Variants in NDUFAF2 observed in about 807,000 individuals in gnomAD.
The protein encoded by NDUFAF2 is NADH dehydrogenase [ubiquinone] 1 alpha subcomplex assembly factor 2.
NDUFAF2 carries 13 observed loss-of-function variants against 22.8 expected under a neutral mutation model. The observed-to-expected ratio is 0.57, with a 90% CI of 0.37 to 0.91. The LOEUF (loss-of-function observed/expected upper bound fraction) is 0.91, where lower values mean the gene tolerates loss of function less well. Among genes scored for constraint, NDUFAF2 ranks in the 40% least tolerant of loss-of-function variants. The pLI, the probability that NDUFAF2 is intolerant of heterozygous loss-of-function variation, is 0.01. For missense variants in NDUFAF2, 162 were observed against 195.2 expected (o/e 0.83, Z 1.01); for synonymous variants, 53 against 64.2 (o/e 0.83, Z 0.84).
chr5:61,031,479 A>G (rs111444653), intron 1 of NDUFAF2, among the ~76,000 whole-genome samples: 7,150 of 151,664 alleles, frequency 0.047, 568 homozygotes, highest in African/African-American at 0.16. Flanking sequence ...TGCAAAGGAC[A>G]TGAACTCATG....
intron 2 of NDUFAF2, among the ~76,000 whole-genome samples, chr5:61,092,204 T>A (rs1242201766): frequency 6.6e-6 from 1 of 152,320 alleles, no homozygotes; most frequent in East Asian, 1.9e-4. Context: ...ATTCAGGCTC[T>A]TTTTTGGTTC....
chr5:61,062,042 A>C (rs248684), intron 1 of NDUFAF2, among the ~76,000 whole-genome samples: 139,675 of 152,222 alleles, frequency 0.92, 64,170 homozygotes, highest in East Asian at 1. Flanking sequence ...CATCCTTGGT[A>C]CCATCTACAT....
At chr5:61,129,347 G>A (rs1442609790) in intron 3 of NDUFAF2, among the ~76,000 whole-genome samples, 3 of 152,146 alleles carry the variant, frequency 2.0e-5, no homozygotes, top group Non-Finnish European at 2.9e-5. Flanking sequence ...GGACATGTAT[G>A]TTTATTGCAG....
At chr5:60,990,491 A>G (rs1248196749) in intron 1 of NDUFAF2, among the ~76,000 whole-genome samples, 3 of 152,212 alleles carry the variant, frequency 2.0e-5, no homozygotes, top group Non-Finnish European at 4.4e-5. Context: ...GAAGTAGAAT[A>G]TATAAATGTT....
chr5:61,018,268 A>G (rs1751537691), intron 1 of NDUFAF2, among the ~76,000 whole-genome samples: 1 of 152,200 alleles, frequency 6.6e-6, no homozygotes, highest in African/African-American at 2.4e-5. Context: ...ACTTAGCCAT[A>G]AAAGAGTATT....
At chr5:60,973,774 A>G (rs1160067069) in intron 1 of NDUFAF2, among the ~76,000 whole-genome samples, 6 of 152,122 alleles carry the variant, frequency 3.9e-5, no homozygotes, top group Non-Finnish European at 8.8e-5. Context: ...ATCCTTTTTA[A>G]TACTTTTTAC....
chr5:60,965,443 C>T (rs890678141), intron 1 of NDUFAF2, among the ~76,000 whole-genome samples: 3 of 152,020 alleles, frequency 2.0e-5, no homozygotes, highest in African/African-American at 7.2e-5. Context: ...AATATAGTCA[C>T]CATGCTGTAC....
chr5:60,987,120 A>G (rs1216244495), intron 1 of NDUFAF2, among the ~76,000 whole-genome samples: 2 of 152,222 alleles, frequency 1.3e-5, no homozygotes, highest in Non-Finnish European at 2.9e-5. Context: ...ACAGAAATAC[A>G]GATAACCATC....
At chr5:61,025,949 T>C (rs1438553823) in intron 1 of NDUFAF2, among the ~76,000 whole-genome samples, 2 of 152,074 alleles carry the variant, frequency 1.3e-5, no homozygotes, top group African/African-American at 4.8e-5. Context: ...AGATGTTTTA[T>C]ATCATGGCTT....
At chr5:60,980,748 T>C (rs1006953897) in intron 1 of NDUFAF2, among the ~76,000 whole-genome samples, 5 of 151,996 alleles carry the variant, frequency 3.3e-5, no homozygotes, top group Admixed American at 2.6e-4. Context: ...ACTCAAAATA[T>C]TTTTTGAAAA....
intron 1 of NDUFAF2, among the ~76,000 whole-genome samples, chr5:61,031,213 G>A (rs900537491): frequency 2.0e-5 from 3 of 151,858 alleles, no homozygotes; most frequent in African/African-American, 4.8e-5. Flanking sequence ...TGTGCAGAAC[G>A]TTGCAGGTTT....
At chr5:60,972,404 G>T (rs112926599) in intron 1 of NDUFAF2, among the ~76,000 whole-genome samples, 3 of 152,208 alleles carry the variant, frequency 2.0e-5, no homozygotes, top group African/African-American at 7.2e-5. Flanking sequence ...TGCTCTTGTG[G>T]TGATGAGTGA....
At position 61,112,219 on chromosome 5, in the gene NDUFAF2, C is replaced by CT. The variant is rs56806779; in HGVS notation, c.258+13200dup. Reference sequence around the variant, plus strand: ...ATAATGACCTTCTTTATCCCCCCCCCTTTTTTTTTTTTTGAGACAGAGTCT... The same window carrying CT: ...ATAATGACCTTCTTTATCCCCCCCCCTTTTTTTTTTTTTTGAGACAGAGTCT... On this transcript the variant is annotated intron_variant, in intron 3 of 3. Coordinates refer to ENST00000296597, the MANE Select transcript of NDUFAF2 (RefSeq NM_174889.5). 8.9e-3 allele frequency among the ~76,000 whole-genome samples: 1,178 copies of CT among 132,134 alleles called. 17 individuals carry two copies. Among genetic ancestry groups the CT allele is most frequent in the African/African-American group, 0.028 (1,027 of 36,840 alleles). The allele number at this position is 132,134 out of a possible 152,430, so 86.7% of individuals were successfully genotyped here. A position where few individuals can be genotyped will look rare whatever the true frequency, so the allele number is the denominator to read the frequency against.
chr5:61,023,669 C>G (rs780182642), intron 1 of NDUFAF2, among the ~76,000 whole-genome samples: 37 of 152,272 alleles, frequency 2.4e-4, no homozygotes, highest in Non-Finnish European at 3.5e-4. Context: ...ATATAGGATA[C>G]TCTTGTAGAG....
Position 61,006,247 on chromosome 5 carries a change from G to T in NDUFAF2, c.127+60865G>T, listed in dbSNP as rs916915108. ...TATCAGGTTTGTCAAAGATCAGATG[G>T]TTGTAGATGTGTGGTATTATTTCCG... On this transcript the variant is annotated intron_variant, in intron 1 of 3. Transcript: ENST00000296597. Among the ~76,000 whole-genome samples the T allele has an allele frequency of 1.5e-4, 23 of 152,106 alleles. 2 individuals are homozygous for T. Among genetic ancestry groups the T allele is most frequent in the East Asian group, 9.6e-4 (5 of 5,188 alleles).
intron 3 of NDUFAF2, chr5:61,116,272 A>G (rs1038133094): frequency 5.9e-5 from 9 of 152,180 alleles, no homozygotes; most frequent in African/African-American, 2.2e-4. Flanking sequence ...TGAGAAATGA[A>G]AAACAGAGAC....
At chr5:61,113,759 C>A (rs761879613) in intron 3 of NDUFAF2, among the ~76,000 whole-genome samples, 12 of 152,122 alleles carry the variant, frequency 7.9e-5, no homozygotes, top group Non-Finnish European at 1.8e-4. Flanking sequence ...TAGAAATTAC[C>A]CATTCTCAGG....
chr5:60,991,650 C>T (rs1289388068), intron 1 of NDUFAF2, among the ~76,000 whole-genome samples: 1 of 152,086 alleles, frequency 6.6e-6, no homozygotes, highest in African/African-American at 2.4e-5. Flanking sequence ...TTTTTTATGG[C>T]TGAATGTATC....
chr5:61,113,526 T>C (rs1752871534), intron 3 of NDUFAF2, among the ~76,000 whole-genome samples: 1 of 152,048 alleles, frequency 6.6e-6, no homozygotes, highest in African/African-American at 2.4e-5. Context: ...CAGTGGGAGG[T>C]AATTGCATCA....
Sources: gnomAD v4.1 joint callset for allele counts (sites outside exome capture counted in the v4.1 genomes callset) on GRCh38, gnomAD v4.1.1 for gene constraint, MANE v1.5 for transcripts, NCBI Gene and HGNC (gene_info 2026-07-23, HGNC 2026-07-21) for gene names.